CTNNA3: variants seen among roughly 807,000 people sequenced by gnomAD.
The protein encoded by CTNNA3 is catenin alpha 3, also known as catenin alpha-3.
CTNNA3 carries 76 observed loss-of-function variants against 95.7 expected under a neutral mutation model. The observed-to-expected ratio is 0.79, with a 90% CI of 0.66 to 0.96. The LOEUF is 0.96. Among genes scored for constraint, CTNNA3 ranks in the 40% least tolerant of loss-of-function variants. CTNNA3 has a pLI of 0.00. For synonymous variants in CTNNA3, 431 were observed against 374.4 expected, an observed-to-expected ratio of 1.15 and a Z score of -1.74; for missense variants, 1,191 against 1,089.8, an observed-to-expected ratio of 1.09 and a Z score of -1.31.
chr10:66,591,981 A>C (rs1216726004), intron 10 of CTNNA3, among the ~76,000 whole-genome samples: 1 of 152,034 alleles, frequency 6.6e-6, no homozygotes, highest in Non-Finnish European at 1.5e-5. Context: ...CATGAATTGC[A>C]GTCAAGCAAA....
At chr10:66,808,590 T>C (rs1841751010) in intron 7 of CTNNA3, among the ~76,000 whole-genome samples, 1 of 152,192 alleles carries the variant, frequency 6.6e-6, no homozygotes, top group Non-Finnish European at 1.5e-5. Context: ...AACAGTATTC[T>C]GAAAATCTCA....
chr10:66,403,555 C>T (rs2093035684), intron 11 of CTNNA3, among the ~76,000 whole-genome samples: 4 of 152,078 alleles, frequency 2.6e-5, no homozygotes, highest in Admixed American at 2.6e-4. Flanking sequence ...GGGAACTGCC[C>T]CCATGATCCA....
intron 15 of CTNNA3, among the ~76,000 whole-genome samples, chr10:66,025,352 G>A (rs545167802): frequency 1.3e-5 from 2 of 152,310 alleles, no homozygotes; most frequent in Admixed American, 1.3e-4. Flanking sequence ...GTGGATCACA[G>A]GGGAAGCTTG....
Position 66,610,895 on chromosome 10 carries a change from T to A in CTNNA3, c.1374+10797A>T, listed in dbSNP as rs184076482. ...TTTTGTTAATGAACCTAAGTGTTCA[T>A]TAACAGATGAATAAATAAAAAAATG... On this transcript the variant is annotated intron_variant, in intron 10 of 17. Transcript: ENST00000433211. Among the ~76,000 whole-genome samples, 409 of 152,180 alleles carry A rather than the reference T, an allele frequency of 2.7e-3. 4 individuals are homozygous for A. Among genetic ancestry groups the A allele is most frequent in the African/African-American group, 9.3e-3 (385 of 41,526 alleles).
intron 6 of CTNNA3, among the ~76,000 whole-genome samples, chr10:67,208,620 A>G (rs78870380): frequency 0.019 from 2,857 of 152,238 alleles, 132 homozygotes; most frequent in East Asian, 0.18. Flanking sequence ...ATTCATCTTA[A>G]TAAGAGTTTT....
At chr10:66,211,329 T>C (rs551920274) in intron 13 of CTNNA3, among the ~76,000 whole-genome samples, 1 of 152,288 alleles carries the variant, frequency 6.6e-6, no homozygotes, top group East Asian at 1.9e-4. Context: ...ACACAAAAGC[T>C]CTAAAGGGCT....
chr10:66,061,603 A>G (rs951085960), intron 15 of CTNNA3, among the ~76,000 whole-genome samples: 2 of 152,156 alleles, frequency 1.3e-5, no homozygotes, highest in Admixed American at 6.6e-5. Flanking sequence ...CAATTTTCTA[A>G]GGCCTTTTAT....
chr10:66,640,925 G>A (rs373145537), intron 9 of CTNNA3, among the ~76,000 whole-genome samples: 17 of 152,164 alleles, frequency 1.1e-4, no homozygotes, highest in African/African-American at 4.1e-4. Context: ...TTGAGCAAAT[G>A]AACGCATGCT....
chr10:67,382,852 G>T (rs539546511), intron 5 of CTNNA3, among the ~76,000 whole-genome samples: 2 of 152,086 alleles, frequency 1.3e-5, no homozygotes, highest in Non-Finnish European at 2.9e-5. Context: ...GGGGTGCCAG[G>T]CTTTCTTAAA....
intron 17 of CTNNA3, among the ~76,000 whole-genome samples, chr10:65,955,864 C>T (rs932228421): frequency 1.3e-5 from 2 of 152,092 alleles, no homozygotes; most frequent in African/African-American, 4.8e-5. Context: ...TTTGTTGTGT[C>T]TCTGCCAGGC....
intron 11 of CTNNA3, among the ~76,000 whole-genome samples, chr10:66,461,129 A>G (rs1318462177): frequency 6.6e-6 from 1 of 152,164 alleles, no homozygotes; most frequent in South Asian, 2.1e-4. Context: ...AGTTGAGGGA[A>G]GGAACAAGAG....
intron 3 of CTNNA3, among the ~76,000 whole-genome samples, chr10:67,565,747 T>C (rs1841741616): frequency 6.6e-6 from 1 of 150,566 alleles, no homozygotes; most frequent in South Asian, 2.1e-4. Flanking sequence ...TTATATTCTG[T>C]TGGTAGAAAT....
chr10:66,532,252 G>A (rs765103680), intron 10 of CTNNA3, among the ~76,000 whole-genome samples: 1 of 152,086 alleles, frequency 6.6e-6, no homozygotes, highest in Non-Finnish European at 1.5e-5. Context: ...CACAAGGTCA[G>A]GAGATCGAGA....
At chr10:66,761,064 T>G (rs1004711870) in intron 9 of CTNNA3, among the ~76,000 whole-genome samples, 1 of 152,190 alleles carries the variant, frequency 6.6e-6, no homozygotes, top group Non-Finnish European at 1.5e-5. Flanking sequence ...TATCCTTATT[T>G]GATAACAGAT....
intron 5 of CTNNA3, among the ~76,000 whole-genome samples, chr10:67,348,722 C>T (rs1291098055): frequency 6.6e-6 from 1 of 152,118 alleles, no homozygotes; most frequent in Non-Finnish European, 1.5e-5. Flanking sequence ...GGATCTTTCC[C>T]CATGACCCAA....
At chr10:66,396,216 G>A (rs960304056) in intron 11 of CTNNA3, among the ~76,000 whole-genome samples, 2 of 151,774 alleles carry the variant, frequency 1.3e-5, no homozygotes, top group African/African-American at 4.8e-5. Flanking sequence ...TATACTATTA[G>A]CTTTCTAATT....
At chr10:67,236,955 T>G (rs1471107932) in intron 5 of CTNNA3, among the ~76,000 whole-genome samples, 2 of 151,128 alleles carry the variant, frequency 1.3e-5, no homozygotes, top group Non-Finnish European at 3.0e-5. Context: ...AGAACTACCA[T>G]TTGATCCAGC....
chr10:66,335,070 T>C (rs2092379264), intron 12 of CTNNA3, among the ~76,000 whole-genome samples: 1 of 152,148 alleles, frequency 6.6e-6, no homozygotes, highest in Non-Finnish European at 1.5e-5. Flanking sequence ...TGCCATGGTT[T>C]TCAGCATCAT....
chr10:66,020,635 T>A (rs925263350), intron 15 of CTNNA3, among the ~76,000 whole-genome samples: 1 of 151,988 alleles, frequency 6.6e-6, no homozygotes, highest in African/African-American at 2.4e-5. Context: ...ATATTTCACA[T>A]GCTTGAAGCC....
Sources: gnomAD v4.1 joint callset for allele counts (sites outside exome capture counted in the v4.1 genomes callset) on GRCh38, gnomAD v4.1.1 for gene constraint, MANE v1.5 for transcripts, NCBI Gene and HGNC (gene_info 2026-07-23, HGNC 2026-07-21) for gene names.